The following NDST4 variants were observed in gnomAD, a reference collection of about 807,000 sequenced individuals.
The protein encoded by NDST4 is N-deacetylase and N-sulfotransferase 4, also known as N-heparan sulfate sulfotransferase 4.
A neutral mutation model predicts 100.8 loss-of-function variants in NDST4; 63 were observed. That is an observed-to-expected ratio of 0.62 (90% CI 0.51 to 0.77). The LOEUF is 0.77. Among genes scored for constraint, NDST4 ranks in the 30% least tolerant of loss-of-function variants. The probability of loss-of-function intolerance (pLI) is 0.00; values close to 1 mark genes in which losing one functional copy is unlikely to be tolerated. For missense variants in NDST4, 943 were observed against 1,018.4 expected (o/e 0.93, Z 1.01); for synonymous variants, 377 against 361.8 (o/e 1.04, Z -0.48).
chr4:115,028,373 T>C (rs925810107), intron 2 of NDST4, among the ~76,000 whole-genome samples: 1 of 152,100 alleles, frequency 6.6e-6, no homozygotes, highest in Admixed American at 6.6e-5. Context: ...TATTAAAATA[T>C]GAATGCCCGG....
At chr4:114,886,609 T>C (rs1333412210) in intron 6 of NDST4, among the ~76,000 whole-genome samples, 2 of 152,146 alleles carry the variant, frequency 1.3e-5, no homozygotes, top group Admixed American at 1.3e-4. Flanking sequence ...TGAAATACTA[T>C]AAACATTAAA....
At chr4:114,997,289 T>G (rs1195700984) in intron 2 of NDST4, among the ~76,000 whole-genome samples, 1 of 152,102 alleles carries the variant, frequency 6.6e-6, no homozygotes, top group African/African-American at 2.4e-5. Flanking sequence ...AAATTTATTG[T>G]TTCATATTAT....
chr4:115,032,971 A>G (rs1168890905), intron 2 of NDST4, among the ~76,000 whole-genome samples: 1 of 151,772 alleles, frequency 6.6e-6, no homozygotes, highest in East Asian at 1.9e-4. Context: ...ATAAGGTATT[A>G]GTAGTAGTAT....
At chr4:115,085,382 T>G (rs1460744055) in intron 1 of NDST4, among the ~76,000 whole-genome samples, 13 of 152,134 alleles carry the variant, frequency 8.5e-5, no homozygotes, top group Admixed American at 8.5e-4. Context: ...GAGTTAAGAC[T>G]TTGGAGGACT....
At chr4:114,901,164 T>A (rs1724830042) in intron 6 of NDST4, among the ~76,000 whole-genome samples, 1 of 152,056 alleles carries the variant, frequency 6.6e-6, no homozygotes, top group Non-Finnish European at 1.5e-5. Flanking sequence ...TATATCCATT[T>A]GACTGATGGT....
Position 114,970,560 on chromosome 4 carries a change from T to A in NDST4, c.1091A>T (p.Asp364Val), listed in dbSNP as rs1296445658. 3 of 1,613,644 alleles carry A rather than the reference T, an allele frequency of 1.9e-6. No individual in the cohort carries two copies. Among genetic ancestry groups the A allele is most frequent in the Non-Finnish European group, 2.5e-6 (3 of 1,179,802 alleles). The stretch of plus-strand genomic sequence containing the variant: ...ATCCACAGACCGAAGTAAAAGGTCA[T>A]CTCCTTCATCTTCCTCTTCAGTCCC... ...HTGTEEEDEGDDLLLRSVDEF... is the reference protein window; with the variant it reads ...HTGTEEEDEGVDLLLRSVDEF... Residue 364 changes from aspartate (D) to valine (V), a missense_variant, in exon 4 of 14, where the codon GAT becomes GTT. Coordinates refer to ENST00000264363, the MANE Select transcript of NDST4 (RefSeq NM_022569.3).
chr4:114,848,378 A>T lies in NDST4; in HGVS notation c.1817-40T>A, dbSNP rs746590317. On this transcript the variant is annotated intron_variant, in intron 8 of 13. Transcript: ENST00000264363. ...GAAAGTAAAAGGTTATATGGCAATAAGAGACAAAATATTATTTTAGCATAT... is the reference window on the plus strand; with the variant it reads ...GAAAGTAAAAGGTTATATGGCAATATGAGACAAAATATTATTTTAGCATAT... The T allele has an allele frequency of 6.3e-6, 9 of 1,418,466 alleles. No individual in the cohort carries two copies. The African/African-American group carries it at 1.2e-4, about 18-fold the overall frequency. The allele number at this position is 1,418,466 out of a possible 1,614,324, so 87.9% of individuals were successfully genotyped here.
At chr4:114,938,634 A>G (rs556276381) in intron 4 of NDST4, among the ~76,000 whole-genome samples, 4 of 152,332 alleles carry the variant, frequency 2.6e-5, no homozygotes, top group African/African-American at 7.2e-5. Flanking sequence ...ATTTTCCATT[A>G]TATGGTACAC....
chr4:115,043,505 C>T (rs114909511), intron 2 of NDST4, among the ~76,000 whole-genome samples: 2,161 of 152,006 alleles, frequency 0.014, 60 homozygotes, highest in African/African-American at 0.049. Flanking sequence ...GCAGAAAAAA[C>T]GAAGTCAGGA....
At chr4:115,107,633 T>G (rs537144) in intron 1 of NDST4, among the ~76,000 whole-genome samples, 117,162 of 151,918 alleles carry the variant, frequency 0.77, 45,826 homozygotes, top group African/African-American at 0.89. Flanking sequence ...CTTATCTTTA[T>G]AGCACTCACA....
intron 2 of NDST4, among the ~76,000 whole-genome samples, chr4:115,029,664 C>T (rs1728073345): frequency 6.6e-6 from 1 of 151,996 alleles, no homozygotes; most frequent in Non-Finnish European, 1.5e-5. Flanking sequence ...TTGCCAGATG[C>T]TCAAATGAGG....
At chr4:114,901,165 G>A (rs1414910804) in intron 6 of NDST4, among the ~76,000 whole-genome samples, 1 of 151,880 alleles carries the variant, frequency 6.6e-6, no homozygotes, top group African/African-American at 2.4e-5. Context: ...ATATCCATTT[G>A]ACTGATGGTG....
At chr4:115,048,757 C>T (rs1162053417) in intron 2 of NDST4, among the ~76,000 whole-genome samples, 2 of 152,106 alleles carry the variant, frequency 1.3e-5, no homozygotes, top group African/African-American at 4.8e-5. Context: ...CCTGTCTCAG[C>T]CTCCAGAGTA....
At chr4:115,093,754 A>G (rs1384314993) in intron 1 of NDST4, among the ~76,000 whole-genome samples, 1 of 152,126 alleles carries the variant, frequency 6.6e-6, no homozygotes, top group Non-Finnish European at 1.5e-5. Context: ...AAGAAACATA[A>G]TTAAAAACAA....
chr4:114,881,098 A>C (rs72679799), intron 6 of NDST4, among the ~76,000 whole-genome samples: 2 of 152,040 alleles, frequency 1.3e-5, no homozygotes, highest in Non-Finnish European at 2.9e-5. Context: ...CCTAAGAGCC[A>C]TAAGGAACCA....
At chr4:115,012,421 C>A (rs1004978111) in intron 2 of NDST4, among the ~76,000 whole-genome samples, 1 of 151,930 alleles carries the variant, frequency 6.6e-6, no homozygotes, top group Non-Finnish European at 1.5e-5. Context: ...TATTACTTGA[C>A]GGTTGCAAAG....
At chr4:115,073,130 C>T (rs1729110886) in intron 2 of NDST4, among the ~76,000 whole-genome samples, 1 of 151,926 alleles carries the variant, frequency 6.6e-6, no homozygotes, top group Non-Finnish European at 1.5e-5. Flanking sequence ...CACATCATAC[C>T]TATTAGAATG....
At chr4:114,960,385 A>T (rs1726234759) in intron 4 of NDST4, among the ~76,000 whole-genome samples, 1 of 152,082 alleles carries the variant, frequency 6.6e-6, no homozygotes, top group Admixed American at 6.6e-5. Flanking sequence ...ACGCGGGCAG[A>T]TCATGAGGTC....
intron 1 of NDST4, among the ~76,000 whole-genome samples, chr4:115,102,129 A>T (rs982552229): frequency 6.6e-6 from 1 of 152,166 alleles, no homozygotes; most frequent in Non-Finnish European, 1.5e-5. Flanking sequence ...TCAACTGATA[A>T]TTGCTTTGTT....
Sources: gnomAD v4.1 joint callset for allele counts (sites outside exome capture counted in the v4.1 genomes callset) on GRCh38, gnomAD v4.1.1 for gene constraint, MANE v1.5 for transcripts, NCBI Gene and HGNC (gene_info 2026-07-23, HGNC 2026-07-21) for gene names.